The following PREX2 variants were observed in gnomAD, a reference collection of about 807,000 sequenced individuals.
The protein encoded by PREX2 is phosphatidylinositol 3,4,5-trisphosphate-dependent Rac exchanger 2 protein.
A neutral mutation model predicts 203.2 loss-of-function variants in PREX2; 107 were observed. That is an observed-to-expected ratio of 0.53 (90% CI 0.45 to 0.62). PREX2 has a LOEUF of 0.62. Ranked by LOEUF, PREX2 falls within the 20% of genes least tolerant of loss-of-function variation. The pLI, the probability that PREX2 is intolerant of heterozygous loss-of-function variation, is 0.00. For synonymous variants in PREX2, 672 were observed against 663.6 expected (o/e 1.01, Z -0.19); for missense variants, 1,777 against 1,955.9 (o/e 0.91, Z 1.72).
chr8:68,016,872 C>T (rs1056516426), intron 1 of PREX2, among the ~76,000 whole-genome samples: 2 of 152,124 alleles, frequency 1.3e-5, no homozygotes, highest in Admixed American at 6.5e-5. Context: ...CCTGGGACTC[C>T]CAAAGCGCTA....
chr8:68,140,055 A>G lies in PREX2; in HGVS notation c.4087+1538A>G, dbSNP rs1158484689. On this transcript the variant is annotated intron_variant, in intron 33 of 39. Coordinates refer to ENST00000288368, the MANE Select transcript of PREX2 (RefSeq NM_024870.4). ...GAGTACTGTTTTCCATGGTTCTCCT[A>G]TGACATTATTGGCAAATGGTCTGTT... is the stretch of plus-strand genomic sequence containing the variant. Among the ~76,000 whole-genome samples, 4 of 152,220 alleles carry G rather than the reference A, an allele frequency of 2.6e-5. No homozygotes were observed. In the South Asian group the frequency reaches 6.2e-4, roughly 24 times the overall value.
At chr8:68,017,745 A>T in intron 1 of PREX2, 101 bp from the exon 2 acceptor site, 1 of 908,344 alleles carries the variant, frequency 1.1e-6, no homozygotes. Context: ...ATGGAGTTTT[A>T]CACTTTGGTT....
intron 36 of PREX2, 65 bp from the exon 37 acceptor site, chr8:68,192,270 C>A: frequency 3.1e-6 from 4 of 1,291,548 alleles, no homozygotes; most frequent in Non-Finnish European, 4.3e-6. Flanking sequence ...AACAGCTATA[C>A]CAACCTATCT....
At chr8:67,957,393 C>G (rs1028611329) in intron 1 of PREX2, among the ~76,000 whole-genome samples, 1 of 152,162 alleles carries the variant, frequency 6.6e-6, no homozygotes, top group African/African-American at 2.4e-5. Flanking sequence ...TTAGCTCTTT[C>G]AAATTGTGCT....
At chr8:68,206,516 C>T (rs1011963477) in intron 37 of PREX2, among the ~76,000 whole-genome samples, 1 of 152,096 alleles carries the variant, frequency 6.6e-6, no homozygotes, top group East Asian at 1.9e-4. Context: ...ACAAAAGTTA[C>T]CTCTTCTGAT....
chr8:68,005,031 T>C (rs1807052975), intron 1 of PREX2, among the ~76,000 whole-genome samples: 1 of 152,218 alleles, frequency 6.6e-6, no homozygotes, highest in South Asian at 2.1e-4. Flanking sequence ...GGATTCCTTA[T>C]TGATTGAAAT....
intron 35 of PREX2, among the ~76,000 whole-genome samples, chr8:68,180,881 TGGAAAA>T (rs1812071731): frequency 6.6e-6 from 1 of 151,934 alleles, no homozygotes; most frequent in Non-Finnish European, 1.5e-5. Flanking sequence ...GAAATTTGAA[TGGAAAA>T]GGAGAGGAGT....
At chr8:68,169,338 G>A (rs1048541780) in intron 35 of PREX2, among the ~76,000 whole-genome samples, 1 of 151,926 alleles carries the variant, frequency 6.6e-6, no homozygotes, top group East Asian at 2.0e-4. Context: ...CCAAGAGTGA[G>A]GGTCAGAATG....
intron 10 of PREX2, among the ~76,000 whole-genome samples, chr8:68,058,055 C>T (rs1256432898): frequency 6.6e-6 from 1 of 152,214 alleles, no homozygotes; most frequent in African/African-American, 2.4e-5. Flanking sequence ...TAACAGCACA[C>T]TACTGCCGCT....
At chr8:68,109,682 C>A in intron 25 of PREX2, 59 bp downstream of exon 25, 2 of 1,433,398 alleles carry the variant, frequency 1.4e-6, no homozygotes, top group Non-Finnish European at 1.9e-6. Context: ...AAAAATGTGG[C>A]TTAGAAAAAT....
intron 1 of PREX2, among the ~76,000 whole-genome samples, chr8:67,964,473 G>A (rs1027137675): frequency 6.6e-6 from 1 of 152,186 alleles, no homozygotes; most frequent in African/African-American, 2.4e-5. Context: ...TTAATTATTG[G>A]ATTCCTTTAC....
At chr8:68,075,017 A>ATG (rs898755917) in intron 14 of PREX2, among the ~76,000 whole-genome samples, 2 of 152,208 alleles carry the variant, frequency 1.3e-5, no homozygotes, top group African/African-American at 4.8e-5. Flanking sequence ...CTTATTTGGC[A>ATG]TGTGCAGTAA....
chr8:68,030,248 GAGGAACCTAACTTAATTTTT>G (rs1212412726), intron 5 of PREX2, among the ~76,000 whole-genome samples: 10 of 152,108 alleles, frequency 6.6e-5, no homozygotes, highest in African/African-American at 2.4e-4. Flanking sequence ...CATTCGAAAG[GAGGAACCTAACTTAATTTTT>G]AAAAACAAAG....
intron 11 of PREX2, among the ~76,000 whole-genome samples, chr8:68,062,476 G>C (rs534833998): frequency 1.3e-5 from 2 of 152,106 alleles, no homozygotes; most frequent in African/African-American, 4.8e-5. Context: ...CTGACACCTC[G>C]CATTGTACCT....
Position 68,014,566 on chromosome 8 carries a change from T to C in PREX2, c.142-3280T>C, listed in dbSNP as rs538957240. ...TCAGAGATTATTGTGACCTGTTATA[T>C]GCAGCTTTGATTGTGATTTTCATGG... On this transcript the variant is annotated intron_variant, in intron 1 of 39. Transcript: ENST00000288368. Among the ~76,000 whole-genome samples, 20 of 152,308 alleles carry C rather than the reference T, an allele frequency of 1.3e-4. No individual in the cohort carries two copies. In the South Asian group the frequency reaches 3.9e-3, roughly 30 times the overall value.
At chr8:68,196,805 A>T (rs1258845991) in intron 37 of PREX2, among the ~76,000 whole-genome samples, 1 of 151,930 alleles carries the variant, frequency 6.6e-6, no homozygotes, top group Non-Finnish European at 1.5e-5. Flanking sequence ...CATGATTGTA[A>T]GTTTCCTGAG....
chr8:67,963,545 TTTA>T (rs1488002082), intron 1 of PREX2, among the ~76,000 whole-genome samples: 6 of 152,178 alleles, frequency 3.9e-5, no homozygotes, highest in Non-Finnish European at 8.8e-5. Flanking sequence ...ATATTTTTAG[TTTA>T]TTTTTTGTTT....
chr8:68,133,578 C>T (rs1394855881), intron 31 of PREX2, among the ~76,000 whole-genome samples: 1 of 152,088 alleles, frequency 6.6e-6, no homozygotes, highest in Non-Finnish European at 1.5e-5. Flanking sequence ...TACTCTTTTT[C>T]CCCATGTGTA....
intron 32 of PREX2, among the ~76,000 whole-genome samples, chr8:68,135,413 G>C (rs1468013146): frequency 6.6e-6 from 1 of 152,002 alleles, no homozygotes; most frequent in African/African-American, 2.4e-5. Context: ...TTAAAAAGTA[G>C]ACAAAGGATT....
Sources: gnomAD v4.1 joint callset for allele counts (sites outside exome capture counted in the v4.1 genomes callset) on GRCh38, gnomAD v4.1.1 for gene constraint, MANE v1.5 for transcripts, NCBI Gene and HGNC (gene_info 2026-07-23, HGNC 2026-07-21) for gene names.